Variants in ENTPD4 observed in about 807,000 individuals in gnomAD.
ENTPD4 encodes the protein Golgi UDPase.
ENTPD4 carries 60 observed loss-of-function variants against 79.1 expected under a neutral mutation model. That is an observed-to-expected ratio of 0.76 (90% CI 0.62 to 0.94). The LOEUF is 0.94. ENTPD4 is among the 40% of genes least tolerant of loss of function. The pLI is 0.00. For synonymous variants in ENTPD4, 276 were observed against 292.0 expected, an observed-to-expected ratio of 0.95 and a Z score of 0.56; for missense variants, 772 against 775.1, an observed-to-expected ratio of 1.00 and a Z score of 0.05.
Position 23,437,015 on chromosome 8 carries a change from G to T in ENTPD4, c.1293C>A (p.Phe431Leu). Residue 431 changes from phenylalanine to leucine, a missense_variant, in exon 10 of 13, where the codon TTC becomes TTA. By Grantham distance (22) the Phe-to-Leu change is conservative. Coordinates refer to ENST00000358689, the MANE Select transcript of ENTPD4 (RefSeq NM_004901.5). ...CCTCGGTGCAGTAGTAGAATTCGGA[G>T]AAGCCATAGAATTCACTGTTCTGGA... Reference protein sequence around the residue: ...IHFQNSEFYGFSEFYYCTEDV... With the variant: ...IHFQNSEFYGLSEFYYCTEDV... 1 of 1,613,664 alleles carries T rather than the reference G, an allele frequency of 6.2e-7. No homozygotes were observed. Among genetic ancestry groups the T allele is most frequent in the African/African-American group, 1.3e-5 (1 of 75,046 alleles).
In ENTPD4 at chr8:23,448,794, C is replaced by G; in HGVS notation, c.154G>C (p.Val52Leu). ...AAVSLLYFSV[V>L]IIRNKYGRLT... ...CGCCCATACTTATTTCGGATTATGA[C>G]AACAGAAAAATATAAAAGTGAAACA... Residue 52 changes from valine to leucine, a missense_variant, in exon 3 of 13, where the codon GTC (valine) becomes CTC (leucine). Transcript: ENST00000358689. The G allele has an allele frequency of 6.2e-7, 1 of 1,614,018 alleles. No homozygotes were observed. Among genetic ancestry groups the G allele is most frequent in the Non-Finnish European group, 8.5e-7 (1 of 1,179,984 alleles).
chr8:23,440,027 C>T (rs1800640094), intron 8 of ENTPD4, 112 bp from the exon 9 acceptor site: 4 of 838,876 alleles, frequency 4.8e-6, no homozygotes, highest in South Asian at 1.7e-5. Flanking sequence ...TCTGCTTCTG[C>T]ACTTCCCAAG....
chr8:23,430,503 C>G lies in ENTPD4; in HGVS notation c.*2423G>C. The G allele has an allele frequency of 1.0e-6, 1 of 985,320 alleles. No individual in the cohort carries two copies. The highest frequency in any genetic ancestry group is 1.2e-6 in the Non-Finnish European group (1 of 829,866). The allele number at this position is 985,320 out of a possible 1,614,324, so 61.0% of individuals were successfully genotyped here. ...TGAACTGCATTGTTCTCACAAGGAC[C>G]AGCAAACTTTTTCTGTAAATATTTT... On this transcript the variant is annotated 3_prime_UTR_variant, in exon 13 of 13. Transcript: ENST00000358689.
rs746370340 is a variant in ENTPD4, at chr8:23,448,852, G to A, written c.96C>T (p.Arg32=). The part of the protein sequence containing the change: ...GCPRILNTNL[R]QIMVISVLAA... ...CCAGGACACTAATGACCATAATTTG[G>A]CGTAAATTGGTATTCAGAATTCGAG... is the stretch of plus-strand genomic sequence containing the variant. The change falls in exon 3 of 13, where the codon CGC becomes CGT. Residue 32 remains arginine (R), a synonymous_variant. Coordinates refer to ENST00000358689, the MANE Select transcript of ENTPD4 (RefSeq NM_004901.5). 1.2e-6 allele frequency: 2 copies of A among 1,614,012 alleles called. No individual in the cohort carries two copies. Among genetic ancestry groups the A allele is most frequent in the Non-Finnish European group, 1.7e-6 (2 of 1,179,944 alleles).
intron 10 of ENTPD4, 144 bp downstream of exon 10, chr8:23,436,790 C>A: frequency 2.8e-6 from 2 of 707,432 alleles, no homozygotes; most frequent in South Asian, 3.8e-5. Flanking sequence ...TCCCTCCAAG[C>A]AAAGGGAACA....
At chr8:23,443,436 T>A (rs902812063) in intron 6 of ENTPD4, among the ~76,000 whole-genome samples, 1 of 152,240 alleles carries the variant, frequency 6.6e-6, no homozygotes, top group South Asian at 2.1e-4. Context: ...TTTCATTGAC[T>A]TGACATTTCA....
chr8:23,456,250 C>CA, intron 1 of ENTPD4, among the ~76,000 whole-genome samples: 1 of 152,338 alleles, frequency 6.6e-6, no homozygotes, highest in Non-Finnish European at 1.5e-5. Flanking sequence ...CTCTCCCACA[C>CA]AAGCTGTCTC....
chr8:23,453,718 C>A (rs114906664), intron 1 of ENTPD4, among the ~76,000 whole-genome samples: 2,063 of 152,228 alleles, frequency 0.014, 49 homozygotes, highest in African/African-American at 0.041. Context: ...TCTGGGGGTA[C>A]TGGGGTGACA....
At chr8:23,434,023 T>G in intron 12 of ENTPD4, 1 of 372,520 alleles carries the variant, frequency 2.7e-6, no homozygotes, top group Non-Finnish European at 4.9e-6. Flanking sequence ...GTCATAAAGG[T>G]TAAGAACCCC....
At chr8:23,434,574 C>A in intron 11 of ENTPD4, 96 bp from the exon 12 acceptor site, 11 of 1,549,026 alleles carry the variant, frequency 7.1e-6, no homozygotes, top group Non-Finnish European at 9.6e-6. Context: ...CTGTGGGCAG[C>A]CTTGGGGCAG....
chr8:23,439,668 T>C, intron 9 of ENTPD4, 81 bp downstream of exon 9: 2 of 1,329,740 alleles, frequency 1.5e-6, no homozygotes, highest in Non-Finnish European at 2.1e-6. Flanking sequence ...AATTGAGTTC[T>C]TCCCACTTTG....
chr8:23,438,101 C>G (rs1800604113), intron 9 of ENTPD4, among the ~76,000 whole-genome samples: 1 of 152,182 alleles, frequency 6.6e-6, no homozygotes, highest in South Asian at 2.1e-4. Flanking sequence ...AGGCTTATTA[C>G]TTGCTAATGA....
intron 12 of ENTPD4, among the ~76,000 whole-genome samples, 156 bp from the exon 13 acceptor site, chr8:23,433,310 G>A (rs905005004): frequency 1.3e-5 from 2 of 152,196 alleles, no homozygotes; most frequent in African/African-American, 2.4e-5. Context: ...CAATGCAGGG[G>A]GCTTCTAAGT....
intron 1 of ENTPD4, among the ~76,000 whole-genome samples, chr8:23,450,357 T>C (rs1430863030): frequency 1.3e-5 from 2 of 152,186 alleles, no homozygotes; most frequent in Non-Finnish European, 2.9e-5. Context: ...GAAATATCCA[T>C]TCACTTGATA....
intron 1 of ENTPD4, among the ~76,000 whole-genome samples, chr8:23,450,670 C>G (rs1172476235): frequency 6.6e-6 from 1 of 152,200 alleles, no homozygotes; most frequent in East Asian, 1.9e-4. Flanking sequence ...CTCTGCCAAC[C>G]CCGACTACTC....
chr8:23,430,956 G>A lies in ENTPD4; in HGVS notation c.*1970C>T, dbSNP rs1165328629. 9 of 985,420 alleles carry A rather than the reference G, an allele frequency of 9.1e-6. No individual in the cohort carries two copies. In the Admixed American group the frequency reaches 1.8e-4, roughly 20 times the overall value. 61.0% of individuals were successfully genotyped at this position (985,420 alleles called of 1,614,324 possible). On this transcript the variant is annotated 3_prime_UTR_variant, in exon 13 of 13. Transcript: ENST00000358689. Reference sequence around the variant, plus strand: ...AACTTTGACCACGAAGCGCAAATACGATGCAGGTAAATCCAGAGGCAGAGC... The same window carrying A: ...AACTTTGACCACGAAGCGCAAATACAATGCAGGTAAATCCAGAGGCAGAGC...
chr8:23,444,302 TC>T (rs1416426632), intron 5 of ENTPD4, among the ~76,000 whole-genome samples, 153 bp downstream of exon 5: 1 of 152,222 alleles, frequency 6.6e-6, no homozygotes, highest in East Asian at 1.9e-4. Context: ...AAGGAATAGT[TC>T]TGGTACTGTT....
intron 6 of ENTPD4, 131 bp downstream of exon 6, chr8:23,443,719 T>C: frequency 3.5e-6 from 2 of 563,928 alleles, no homozygotes; most frequent in South Asian, 2.7e-5. Context: ...ATTTAAAAAT[T>C]GTAATATTTC....
intron 1 of ENTPD4, among the ~76,000 whole-genome samples, chr8:23,456,463 T>C (rs1563230557): frequency 6.6e-6 from 1 of 152,232 alleles, no homozygotes; most frequent in Non-Finnish European, 1.5e-5. Context: ...GCTGAGTAAA[T>C]ACGTAGAGAA....
Sources: allele counts gnomAD v4.1 joint callset (sites outside exome capture counted in the v4.1 genomes callset), GRCh38; gene constraint gnomAD v4.1.1; transcripts MANE v1.5; gene names NCBI Gene and HGNC (gene_info 2026-07-23, HGNC 2026-07-21).